The following PRKN variants were observed in gnomAD, a reference collection of about 807,000 sequenced individuals.
PRKN encodes the protein E3 ubiquitin-protein ligase parkin.
In PRKN, 56 loss-of-function variants were observed where a neutral mutation model predicts 59.5. The ratio of observed to expected loss-of-function variants is 0.94; its 90% CI spans 0.76 to 1.18. PRKN has a LOEUF of 1.18. Among genes scored for constraint, PRKN ranks in the 50% most tolerant of loss-of-function variants. PRKN has a pLI of 0.00. For synonymous variants in PRKN, 250 were observed against 222.1 expected (o/e 1.13, Z -1.12); for missense variants, 657 against 596.4 (o/e 1.10, Z -1.06).
At chr6:162,100,931 TTA>T (rs1312802474) in intron 4 of PRKN, among the ~76,000 whole-genome samples, 2 of 152,232 alleles carry the variant, frequency 1.3e-5, no homozygotes, top group African/African-American at 4.8e-5. Context: ...ATTGGGTTAC[TTA>T]TTTTCTAACT....
chr6:161,375,391 A>C (rs1325329938), intron 10 of PRKN, among the ~76,000 whole-genome samples: 4 of 152,164 alleles, frequency 2.6e-5, no homozygotes, highest in Non-Finnish European at 5.9e-5. Flanking sequence ...GTGTGGTGTC[A>C]CTGTGTGTGT....
chr6:162,545,162 C>A (rs1406138827), intron 1 of PRKN, among the ~76,000 whole-genome samples: 1 of 151,768 alleles, frequency 6.6e-6, no homozygotes, highest in East Asian at 2.0e-4. Context: ...GAGGCAGGAG[C>A]CTGTAATCCC....
intron 9 of PRKN, among the ~76,000 whole-genome samples, chr6:161,528,515 A>T (rs1365577402): frequency 6.6e-6 from 1 of 152,186 alleles, no homozygotes; most frequent in Admixed American, 6.5e-5. Flanking sequence ...AGATCCTAGA[A>T]ATCACAGCAG....
At position 162,467,866 on chromosome 6, in the gene PRKN, A is replaced by G. The variant is rs113735831; in HGVS notation, c.8-24393T>C. Among the ~76,000 whole-genome samples, 244 of 151,896 alleles carry G rather than the reference A, an allele frequency of 1.6e-3. 1 individual carries two copies. The highest frequency in any genetic ancestry group is 5.7e-3 in the African/African-American group (234 of 41,412). The stretch of plus-strand genomic sequence containing the variant: ...GCTATGCTGTGTCTGGAAGAAGCCA[A>G]CCCCTTGCTGGATTTTACACCTTGG... On this transcript the variant is annotated intron_variant, in intron 1 of 11. Transcript: ENST00000366898.
chr6:161,981,757 T>C (rs887192036), intron 5 of PRKN, among the ~76,000 whole-genome samples: 1 of 152,188 alleles, frequency 6.6e-6, no homozygotes, highest in Non-Finnish European at 1.5e-5. Context: ...ACTGGAGGAC[T>C]ATATAATAAA....
intron 7 of PRKN, among the ~76,000 whole-genome samples, chr6:161,629,341 C>T (rs979041919): frequency 3.9e-5 from 6 of 152,106 alleles, no homozygotes; most frequent in African/African-American, 1.2e-4. Flanking sequence ...GAGGTACTGA[C>T]ATCGGTTAGG....
intron 4 of PRKN, among the ~76,000 whole-genome samples, chr6:162,143,053 CTTTA>C (rs1237614656): frequency 6.6e-6 from 1 of 152,142 alleles, no homozygotes; most frequent in African/African-American, 2.4e-5. Context: ...AGGAGATGTT[CTTTA>C]TTTATTTATA....
At chr6:161,433,744 C>A (rs756689692) in intron 9 of PRKN, among the ~76,000 whole-genome samples, 36 of 152,054 alleles carry the variant, frequency 2.4e-4, no homozygotes, top group Admixed American at 5.9e-4. Context: ...AGGCTGAGCA[C>A]TGTGGCTGTC....
At chr6:161,521,310 C>A (rs574591669) in intron 9 of PRKN, among the ~76,000 whole-genome samples, 10 of 152,250 alleles carry the variant, frequency 6.6e-5, no homozygotes, top group Admixed American at 6.5e-4. Flanking sequence ...TTTTTCATTT[C>A]CAAGAATTTG....
chr6:162,310,956 G>T (rs1260738890), intron 2 of PRKN, among the ~76,000 whole-genome samples: 4 of 151,970 alleles, frequency 2.6e-5, no homozygotes, highest in Non-Finnish European at 5.9e-5. Context: ...CATCTTTTCA[G>T]TATTTAAGTG....
At chr6:162,260,776 G>A (rs1217015367) in intron 3 of PRKN, among the ~76,000 whole-genome samples, 1 of 152,068 alleles carries the variant, frequency 6.6e-6, no homozygotes, top group East Asian at 1.9e-4. Context: ...AATAAGTAAA[G>A]GTTTAATTTT....
chr6:161,746,045 C>T (rs753953442), intron 7 of PRKN, among the ~76,000 whole-genome samples: 4 of 152,150 alleles, frequency 2.6e-5, no homozygotes, highest in Admixed American at 2.0e-4. Flanking sequence ...TGCTCACATT[C>T]GTTAGGAACC....
chr6:161,667,691 T>C (rs951081520), intron 7 of PRKN, among the ~76,000 whole-genome samples: 4 of 152,194 alleles, frequency 2.6e-5, no homozygotes, highest in East Asian at 1.9e-4. Flanking sequence ...AAATAGATGA[T>C]TAAGTCAGCA....
intron 7 of PRKN, among the ~76,000 whole-genome samples, chr6:161,704,852 A>G (rs1384898557): frequency 6.6e-6 from 1 of 152,144 alleles, no homozygotes; most frequent in Non-Finnish European, 1.5e-5. Context: ...AGCTATAAAG[A>G]GGGTTGTTCA....
At chr6:161,611,922 T>C (rs1782501695) in intron 7 of PRKN, among the ~76,000 whole-genome samples, 1 of 152,198 alleles carries the variant, frequency 6.6e-6, no homozygotes, top group South Asian at 2.1e-4. Flanking sequence ...AACACACAAA[T>C]GATAAGAAAG....
At chr6:162,538,410 A>T (rs567652350) in intron 1 of PRKN, among the ~76,000 whole-genome samples, 1 of 152,252 alleles carries the variant, frequency 6.6e-6, no homozygotes, top group South Asian at 2.1e-4. Flanking sequence ...ATAAATAAAT[A>T]AAATTAAAAA....
intron 6 of PRKN, among the ~76,000 whole-genome samples, chr6:161,885,043 T>C (rs1478664944): frequency 6.6e-6 from 1 of 151,542 alleles, no homozygotes; most frequent in Non-Finnish European, 1.5e-5. Flanking sequence ...TTCATGAACG[T>C]AGTTCTAGAC....
At chr6:161,495,748 C>T (rs796281711) in intron 9 of PRKN, among the ~76,000 whole-genome samples, 7 of 152,276 alleles carry the variant, frequency 4.6e-5, no homozygotes, top group African/African-American at 1.7e-4. Context: ...AACTATTGTT[C>T]ATCTATGACA....
chr6:162,555,980 T>TCAAAAAAA (rs1779549718), intron 1 of PRKN, among the ~76,000 whole-genome samples: 1 of 20,662 alleles, frequency 4.8e-5, no homozygotes, highest in African/African-American at 1.3e-4. Context: ...AAACTCCATC[T>TCAAAAAAA]CAAAAAAAAA....
Sources: gnomAD v4.1 joint callset for allele counts (sites outside exome capture counted in the v4.1 genomes callset) on GRCh38, gnomAD v4.1.1 for gene constraint, MANE v1.5 for transcripts, NCBI Gene and HGNC (gene_info 2026-07-23, HGNC 2026-07-21) for gene names.